Variants in UXS1 observed in about 807,000 individuals in gnomAD.
The protein encoded by UXS1 is UDP-glucuronic acid decarboxylase 1.
Under a neutral mutation model 62.6 loss-of-function variants are expected in UXS1, and 33 were observed. That is an observed-to-expected ratio of 0.53 (90% CI 0.40 to 0.70). The LOEUF is 0.70. Ranked by LOEUF, UXS1 falls within the 30% of genes least tolerant of loss-of-function variation. The probability of loss-of-function intolerance (pLI) is 0.00; values close to 1 mark genes in which losing one functional copy is unlikely to be tolerated. For missense variants in UXS1, 434 were observed against 556.3 expected, an observed-to-expected ratio of 0.78 and a Z score of 2.21; for synonymous variants, 213 against 206.8, an observed-to-expected ratio of 1.03 and a Z score of -0.26.
At chr2:106,188,761 C>T (rs1436831268) in intron 1 of UXS1, among the ~76,000 whole-genome samples, 1 of 152,174 alleles carries the variant, frequency 6.6e-6, no homozygotes, top group Admixed American at 6.5e-5. Context: ...TACAGAGTCC[C>T]CCACTCTTAA....
At chr2:106,153,729 C>T (rs536021295) in intron 5 of UXS1, among the ~76,000 whole-genome samples, 2 of 152,190 alleles carry the variant, frequency 1.3e-5, no homozygotes, top group South Asian at 2.1e-4. Flanking sequence ...TGTGTGAAGT[C>T]CCAGGTGTTG....
At chr2:106,147,127 C>T (rs1001721580) in intron 5 of UXS1, among the ~76,000 whole-genome samples, 2 of 150,020 alleles carry the variant, frequency 1.3e-5, no homozygotes, top group African/African-American at 4.9e-5. Context: ...GGTGACAGAG[C>T]GAGACTCTGT....
At chr2:106,124,889 T>C (rs1382156724) in intron 8 of UXS1, among the ~76,000 whole-genome samples, 1 of 152,260 alleles carries the variant, frequency 6.6e-6, no homozygotes, top group Non-Finnish European at 1.5e-5. Context: ...CTTCTGATTT[T>C]ACCCTCTTAC....
At position 106,101,103 on chromosome 2, in the gene UXS1, G is replaced by T; in HGVS notation, c.939C>A (p.Gly313=). 6.2e-7 allele frequency: 1 copy of T among 1,613,916 alleles called. No individual in the cohort carries two copies. The highest frequency in any genetic ancestry group is 8.5e-7 in the Non-Finnish European group (1 of 1,179,888). The stretch of plus-strand genomic sequence containing the variant: ...CGTTGCTGTTCATGAGAGCCACGAG[G>T]CCATTCACTAGATCGCTGGAAAAAA... The part of the protein sequence containing the change: ...AFQYVSDLVN[G]LVALMNSNVS... Residue 313 remains glycine (G), a synonymous_variant, in exon 12 of 15, where the codon GGC becomes GGA. Transcript: ENST00000283148.
At chr2:106,096,888 T>C (rs1677158223) in intron 13 of UXS1, 67 bp from the exon 14 acceptor site, 3 of 1,463,414 alleles carry the variant, frequency 2.0e-6, no homozygotes, top group Admixed American at 2.0e-5. Flanking sequence ...AGCCTTACCA[T>C]CCACATCAAA....
At chr2:106,101,253 C>T (rs1036230560) in intron 11 of UXS1, 135 bp from the exon 12 acceptor site, 4 of 812,070 alleles carry the variant, frequency 4.9e-6, no homozygotes, top group African/African-American at 3.5e-5. Context: ...AATTGAATGT[C>T]GAAACAAAAT....
chr2:106,121,397 T>A (rs549981333), intron 9 of UXS1, among the ~76,000 whole-genome samples: 3 of 152,342 alleles, frequency 2.0e-5, no homozygotes, highest in Admixed American at 6.5e-5. Flanking sequence ...CCACCAGCTT[T>A]ACCTATATAA....
At chr2:106,100,551 G>A (rs1050123610) in intron 12 of UXS1, among the ~76,000 whole-genome samples, 40 of 152,220 alleles carry the variant, frequency 2.6e-4, no homozygotes, top group Non-Finnish European at 5.6e-4. Context: ...CACCAGCACT[G>A]AAACTGCTCA....
intron 7 of UXS1, among the ~76,000 whole-genome samples, chr2:106,128,181 G>C (rs560094764): frequency 6.6e-6 from 1 of 152,148 alleles, no homozygotes; most frequent in East Asian, 1.9e-4. Flanking sequence ...GAGTGTAGGA[G>C]GGGTAGGCGC....
intron 13 of UXS1, 96 bp from the exon 14 acceptor site, chr2:106,096,917 T>A: frequency 8.4e-7 from 1 of 1,187,414 alleles, no homozygotes; most frequent in Non-Finnish European, 1.2e-6. Flanking sequence ...CCATATGTGG[T>A]GTGAATAGGG....
chr2:106,112,417 G>A (rs115050978), intron 10 of UXS1, among the ~76,000 whole-genome samples: 2,531 of 152,342 alleles, frequency 0.017, 42 homozygotes, highest in Non-Finnish European at 0.028. Context: ...TGGAGGCATG[G>A]GCAGGGACCC....
At chr2:106,142,673 G>A (rs1277487221) in intron 6 of UXS1, among the ~76,000 whole-genome samples, 1 of 152,190 alleles carries the variant, frequency 6.6e-6, no homozygotes, top group African/African-American at 2.4e-5. Flanking sequence ...GGCAGAAAGA[G>A]TGAAGAGATG....
At chr2:106,119,165 A>AG (rs1235338708) in intron 9 of UXS1, among the ~76,000 whole-genome samples, 1 of 152,198 alleles carries the variant, frequency 6.6e-6, no homozygotes, top group Non-Finnish European at 1.5e-5. Flanking sequence ...ATGCTACTGC[A>AG]GGCGCATGAA....
At chr2:106,122,833 A>AT in intron 9 of UXS1, 137 bp downstream of exon 9, 1 of 1,117,952 alleles carries the variant, frequency 8.9e-7, no homozygotes, top group Non-Finnish European at 1.2e-6. Flanking sequence ...TTAATTTATA[A>AT]TACTGGGAAA....
intron 5 of UXS1, among the ~76,000 whole-genome samples, chr2:106,152,494 AGAGGGAGG>A (rs10590942): frequency 3.0e-4 from 31 of 104,076 alleles, no homozygotes; most frequent in African/African-American, 4.7e-4. Context: ...AGGGAGGGAG[AGAGGGAGG>A]GAGGGAGGGA....
intron 9 of UXS1, among the ~76,000 whole-genome samples, chr2:106,114,437 G>C (rs1202353040): frequency 6.6e-6 from 1 of 152,178 alleles, no homozygotes; most frequent in Non-Finnish European, 1.5e-5. Context: ...AACAGAAAAT[G>C]ACTCAGAAGT....
At chr2:106,096,350 T>C (rs538587301) in intron 14 of UXS1, among the ~76,000 whole-genome samples, 1 of 152,014 alleles carries the variant, frequency 6.6e-6, no homozygotes, top group African/African-American at 2.4e-5. Flanking sequence ...TTGTATTAAG[T>C]GTGTTTGTAT....
Position 106,152,832 on chromosome 2 carries a change from A to G in UXS1, c.291+5226T>C, listed in dbSNP as rs963657169. 5.9e-5 allele frequency among the ~76,000 whole-genome samples: 9 copies of G among 151,788 alleles called. No individual in the cohort carries two copies. The South Asian group carries it at 1.2e-3, about 21-fold the overall frequency. On this transcript the variant is annotated intron_variant, in intron 5 of 14. Coordinates refer to ENST00000283148, the MANE Select transcript of UXS1 (RefSeq NM_001253875.2). ...TAGGATTCCAGTCACGGTTGCCCCA[A>G]CTTGCTTAGAAGGGAGAAGTTCCAT...
chr2:106,194,093 C>T (rs2104317795), intron 1 of UXS1, 55 bp downstream of exon 1: 2 of 1,387,292 alleles, frequency 1.4e-6, no homozygotes, highest in Non-Finnish European at 9.5e-7. Context: ...GCCCGGCCCA[C>T]CGCGGCGCCG....
Sources: gnomAD v4.1 joint callset for allele counts (sites outside exome capture counted in the v4.1 genomes callset) on GRCh38, gnomAD v4.1.1 for gene constraint, MANE v1.5 for transcripts, NCBI Gene and HGNC (gene_info 2026-07-23, HGNC 2026-07-21) for gene names.